GTF2IRD1: variants seen among roughly 807,000 people sequenced by gnomAD.
GTF2IRD1 encodes GTF2I repeat domain containing 1, also known as general transcription factor II-I repeat domain-containing protein 1.
A neutral mutation model predicts 113.2 loss-of-function variants in GTF2IRD1; 26 were observed. The ratio of observed to expected loss-of-function variants is 0.23; its 90% CI spans 0.17 to 0.32. The LOEUF (loss-of-function observed/expected upper bound fraction) is 0.32, where lower values mean the gene tolerates loss of function less well. Ranked by LOEUF, GTF2IRD1 falls within the 10% of genes least tolerant of loss-of-function variation. The pLI, the probability that GTF2IRD1 is intolerant of heterozygous loss-of-function variation, is 1.00. For synonymous variants in GTF2IRD1, 484 were observed against 529.1 expected (o/e 0.91, Z 1.17); for missense variants, 864 against 1,280.8 (o/e 0.67, Z 4.97).
intron 1 of GTF2IRD1, among the ~76,000 whole-genome samples, chr7:74,458,282 G>A (rs989800508): frequency 3.3e-5 from 5 of 152,170 alleles, no homozygotes; most frequent in Non-Finnish European, 5.9e-5. Flanking sequence ...CAGAGGTGGA[G>A]TGGTGGGAAG....
intron 4 of GTF2IRD1, among the ~76,000 whole-genome samples, chr7:74,517,288 G>A (rs1796991888): frequency 1.3e-5 from 2 of 150,596 alleles, no homozygotes; most frequent in Admixed American, 1.3e-4. Flanking sequence ...TAATCCCAAA[G>A]TGCTGGGATT....
intron 1 of GTF2IRD1, among the ~76,000 whole-genome samples, chr7:74,482,846 A>G (rs1794820330): frequency 6.6e-6 from 1 of 152,178 alleles, no homozygotes; most frequent in African/African-American, 2.4e-5. Flanking sequence ...CATACGTCTG[A>G]TGCCTTTTCC....
At chr7:74,519,356 C>A in intron 5 of GTF2IRD1, 53 bp from the exon 6 acceptor site, 2 of 1,286,654 alleles carry the variant, frequency 1.6e-6, no homozygotes, top group Non-Finnish European at 2.1e-6. Context: ...GGAAGAGCTG[C>A]AATGTGTGAA....
intron 22 of GTF2IRD1, among the ~76,000 whole-genome samples, chr7:74,569,523 C>G (rs1360392399): frequency 2.6e-5 from 4 of 152,192 alleles, no homozygotes; most frequent in African/African-American, 4.8e-5. Flanking sequence ...GGTAAAGGGC[C>G]TAGCCTGCAA....
intron 1 of GTF2IRD1, among the ~76,000 whole-genome samples, chr7:74,486,692 C>T (rs531509588): frequency 1.7e-4 from 26 of 152,178 alleles, no homozygotes; most frequent in African/African-American, 6.0e-4. Context: ...GCACGTTCAG[C>T]TGGGCATGGT....
At chr7:74,524,381 C>T (rs1797470929) in intron 8 of GTF2IRD1, among the ~76,000 whole-genome samples, 1 of 152,092 alleles carries the variant, frequency 6.6e-6, no homozygotes, top group Non-Finnish European at 1.5e-5. Context: ...ATGGCAAAGC[C>T]CCAGACCTGG....
At chr7:74,456,342 T>G (rs1792970253) in intron 1 of GTF2IRD1, among the ~76,000 whole-genome samples, 2 of 152,298 alleles carry the variant, frequency 1.3e-5, no homozygotes, top group South Asian at 4.1e-4. Flanking sequence ...TGATTCTCAT[T>G]CAGGGTCTAG....
At chr7:74,519,760 C>T in intron 6 of GTF2IRD1, 41 bp downstream of exon 6, 1 of 1,419,582 alleles carries the variant, frequency 7.0e-7, no homozygotes, top group South Asian at 1.3e-5. Context: ...GGGGGTGGGA[C>T]AGAGGTCACT....
intron 1 of GTF2IRD1, among the ~76,000 whole-genome samples, chr7:74,461,934 G>A (rs1793397755): frequency 6.6e-6 from 1 of 152,066 alleles, no homozygotes; most frequent in Admixed American, 6.6e-5. Flanking sequence ...GCTATACCAG[G>A]AACTTGCCTG....
intron 4 of GTF2IRD1, 143 bp from the exon 5 acceptor site, chr7:74,517,994 CAA>C: frequency 2.0e-6 from 1 of 488,382 alleles, no homozygotes; most frequent in Non-Finnish European, 3.6e-6. Flanking sequence ...TTATTCTGCA[CAA>C]AGTCTGCAGT....
intron 22 of GTF2IRD1, among the ~76,000 whole-genome samples, chr7:74,573,439 G>A (rs950428292): frequency 1.3e-5 from 2 of 151,820 alleles, no homozygotes; most frequent in Non-Finnish European, 2.9e-5. Context: ...AAATAGACAG[G>A]GGCTTTCCGG....
intron 1 of GTF2IRD1, among the ~76,000 whole-genome samples, chr7:74,471,051 C>T (rs1392954488): frequency 5.3e-5 from 8 of 152,078 alleles, no homozygotes; most frequent in Non-Finnish European, 1.0e-4. Context: ...GTGATCTGCC[C>T]GCCTCAGCCT....
chr7:74,506,785 T>A (rs1369931314), intron 1 of GTF2IRD1: 2 of 152,240 alleles, frequency 1.3e-5, no homozygotes, highest in Non-Finnish European at 2.9e-5. Flanking sequence ...GGTGCCCAGC[T>A]GGACACTGTC....
chr7:74,580,976 G>C (rs1356900536), intron 22 of GTF2IRD1, among the ~76,000 whole-genome samples: 1 of 152,136 alleles, frequency 6.6e-6, no homozygotes, highest in African/African-American at 2.4e-5. Context: ...CCGAGAATAG[G>C]TTTGCTGACT....
intron 1 of GTF2IRD1, among the ~76,000 whole-genome samples, chr7:74,497,924 G>A (rs966110364): frequency 6.6e-6 from 1 of 151,734 alleles, no homozygotes; most frequent in South Asian, 2.1e-4. Context: ...GGCTGGTCTC[G>A]AACTCCTGAC....
At chr7:74,535,620 G>C (rs1381332209) in intron 10 of GTF2IRD1, among the ~76,000 whole-genome samples, 1 of 152,178 alleles carries the variant, frequency 6.6e-6, no homozygotes, top group Non-Finnish European at 1.5e-5. Flanking sequence ...CCAGGAGGAA[G>C]ATGCGGGCTC....
In GTF2IRD1 at chr7:74,590,875, C is replaced by T. The variant is rs1554369312; in HGVS notation, c.2449C>T (p.Arg817Trp). 1 of 1,613,382 alleles carries T rather than the reference C, an allele frequency of 6.2e-7. No individual in the cohort carries two copies. The highest frequency in any genetic ancestry group is 1.3e-5 in the African/African-American group (1 of 74,920). The change falls in exon 24 of 27, where the codon CGG (arginine) becomes TGG (tryptophan). Residue 817 changes from arginine (R) to tryptophan (W), a missense_variant. By Grantham distance (101) the Arg-to-Trp change is moderately radical. Coordinates refer to ENST00000424337, the MANE Select transcript of GTF2IRD1 (RefSeq NM_005685.4). ...RPVLVPYKLIRDSPDAVEVTG... is the reference protein window; with the variant it reads ...RPVLVPYKLIWDSPDAVEVTG... Reference sequence around the variant, plus strand: ...GGTGCTGGTCCCTTATAAACTAATCCGGGACAGCCCAGACGCCGTGGAGGT... The same window carrying T: ...GGTGCTGGTCCCTTATAAACTAATCTGGGACAGCCCAGACGCCGTGGAGGT...
At chr7:74,502,281 T>C (rs1272445639) in intron 1 of GTF2IRD1, among the ~76,000 whole-genome samples, 1 of 152,168 alleles carries the variant, frequency 6.6e-6, no homozygotes, top group Non-Finnish European at 1.5e-5. Flanking sequence ...AGGAGCTTTG[T>C]CTTAGCCTTG....
chr7:74,468,308 C>T (rs1047661167), intron 1 of GTF2IRD1, among the ~76,000 whole-genome samples: 15 of 151,386 alleles, frequency 9.9e-5, no homozygotes, highest in African/African-American at 3.6e-4. Flanking sequence ...TTGAGACCGG[C>T]CTGGGCAACG....
Sources: allele counts gnomAD v4.1 joint callset (sites outside exome capture counted in the v4.1 genomes callset), GRCh38; gene constraint gnomAD v4.1.1; transcripts MANE v1.5; gene names NCBI Gene and HGNC (gene_info 2026-07-23, HGNC 2026-07-21).